The following PLXNB2 variants were observed in gnomAD, a reference collection of about 807,000 sequenced individuals.
PLXNB2 encodes plexin-B2.
In PLXNB2, 85 loss-of-function variants were observed where a neutral mutation model predicts 202.6. That is an observed-to-expected ratio of 0.42 (90% CI 0.35 to 0.50). The LOEUF is 0.50. PLXNB2 is among the 20% of genes least tolerant of loss of function. PLXNB2 has a pLI of 0.02. For missense variants in PLXNB2, 2,063 were observed against 2,586.2 expected (o/e 0.80, Z 4.39); for synonymous variants, 1,239 against 1,137.6 (o/e 1.09, Z -1.79).
At chr22:50,299,860 T>A (rs1034716050) in intron 1 of PLXNB2, among the ~76,000 whole-genome samples, 4 of 152,100 alleles carry the variant, frequency 2.6e-5, no homozygotes, top group African/African-American at 9.7e-5. Flanking sequence ...GCACCCGGCC[T>A]GTGTGGAGCG....
Position 50,296,037 on chromosome 22 carries a change from G to A in PLXNB2, c.-73-1259C>T, listed in dbSNP as rs1480808525. On this transcript the variant is annotated intron_variant, in intron 1 of 36. Transcript: ENST00000359337. ...TAATCGCTTGAACCTGGGAGGTGGA[G>A]GTTGCAGTGAGCCGAGATCGCGCCA... 2.6e-5 allele frequency among the ~76,000 whole-genome samples: 4 copies of A among 152,226 alleles called. No homozygotes were observed. The East Asian group carries it at 7.7e-4, about 29-fold the overall frequency.
Position 50,287,091 on chromosome 22 carries a change from G to A in PLXNB2, c.1762+20C>T. 1 of 1,484,718 alleles carries A rather than the reference G, an allele frequency of 6.7e-7. No individual in the cohort carries two copies. Among genetic ancestry groups the A allele is most frequent in the South Asian group, 1.3e-5 (1 of 75,254 alleles). The allele number at this position is 1,484,718 out of a possible 1,614,324, so 92.0% of individuals were successfully genotyped here. ...GTGCGACCGAGAAGGGCCACCCGGG[G>A]GCTCGGGAAGGGGCCTCACCCTGGC... On this transcript the variant is annotated intron_variant, in intron 8 of 36. Transcript: ENST00000359337.
chr22:50,292,683 C>T (rs960792332), intron 2 of PLXNB2, among the ~76,000 whole-genome samples: 2 of 152,054 alleles, frequency 1.3e-5, no homozygotes, highest in African/African-American at 2.4e-5. Flanking sequence ...TCCCGAGCCT[C>T]GGCTTTGGGT....
intron 1 of PLXNB2, among the ~76,000 whole-genome samples, chr22:50,303,481 G>A (rs993470452): frequency 9.2e-5 from 14 of 152,200 alleles, no homozygotes; most frequent in Non-Finnish European, 1.6e-4. Flanking sequence ...AAGGTCACCT[G>A]GGAAGAGAGC....
At chr22:50,282,526 G>T in intron 18 of PLXNB2, 185 bp downstream of exon 18, 1 of 674,816 alleles carries the variant, frequency 1.5e-6, no homozygotes, top group Non-Finnish European at 2.5e-6. Context: ...TGAGCGTGGA[G>T]CCTCTGGTGT....
intron 35 of PLXNB2, 94 bp downstream of exon 35, chr22:50,276,532 GCAC>G: frequency 3.7e-6 from 4 of 1,071,242 alleles, no homozygotes; most frequent in Admixed American, 3.4e-5. Flanking sequence ...CTCCCCCTCA[GCAC>G]CACATTACCC....
chr22:50,296,445 T>C (rs2067276727), intron 1 of PLXNB2, among the ~76,000 whole-genome samples: 2 of 148,222 alleles, frequency 1.3e-5, no homozygotes, highest in Admixed American at 1.3e-4. Context: ...ATTGCTTGTC[T>C]AAATAAGAAG....
chr22:50,294,710 G>C lies in PLXNB2; in HGVS notation c.-14+9C>G. On this transcript the variant is annotated intron_variant, in intron 2 of 36. Transcript: ENST00000359337. Reference sequence around the variant, plus strand: ...GCCACCCACTGCCTTTCCCAGGTGGGGTACAGACCCCTCACCGAGGCTCCA... The same window carrying C: ...GCCACCCACTGCCTTTCCCAGGTGGCGTACAGACCCCTCACCGAGGCTCCA... 1 of 983,990 alleles carries C rather than the reference G, an allele frequency of 1.0e-6. No homozygotes were observed. The highest frequency in any genetic ancestry group is 1.2e-6 in the Non-Finnish European group (1 of 828,558). The allele number at this position is 983,990 out of a possible 1,614,324, so 61.0% of individuals were successfully genotyped here.
In PLXNB2 at chr22:50,284,440, G is replaced by A; in HGVS notation, c.2181+133C>T. On this transcript the variant is annotated intron_variant, in intron 12 of 36. Transcript: ENST00000359337. The surrounding 1 kb of genome is among the most constrained non-coding windows in gnomAD (Gnocchi z 8.0). ...GGGCTTCCCCAGCAGCACAGGGCAT[G>A]GCGAGCCCCTGGCTGGGCTCTGGTC... The A allele has an allele frequency of 1.3e-6, 1 of 761,268 alleles. No individual in the cohort carries two copies. The allele number at this position is 761,268 out of a possible 1,614,324, so 47.2% of individuals were successfully genotyped here.
chr22:50,290,674 A>C (rs2066804741), intron 2 of PLXNB2, 77 bp from the exon 3 acceptor site: 1 of 1,411,136 alleles, frequency 7.1e-7, no homozygotes, highest in Non-Finnish European at 9.4e-7. Context: ...TCCCTGCCCC[A>C]AACGTCAGAA....
Position 50,284,611 on chromosome 22 carries a change from T to G in PLXNB2, c.2143A>C (p.Met715Leu). The G allele has an allele frequency of 6.2e-7, 1 of 1,610,878 alleles. No individual in the cohort carries two copies. Among genetic ancestry groups the G allele is most frequent in the Non-Finnish European group, 8.5e-7 (1 of 1,178,944 alleles). ...DLLKFMEPVT[M>L]QESGTFAFRT... Reference sequence around the variant, plus strand: ...AAGGCGAAGGTCCCAGATTCCTGCATGGTCACCGGCTCCATGAACTTGAGC... The same window carrying G: ...AAGGCGAAGGTCCCAGATTCCTGCAGGGTCACCGGCTCCATGAACTTGAGC... The change falls in exon 12 of 37, where the codon ATG becomes CTG. Residue 715 changes from methionine (M) to leucine (L), a missense_variant. By Grantham distance (15) the Met-to-Leu change is conservative. This residue lies in a region of PLXNB2 where 1,303 missense variants were observed against 1,476.8 expected (regional missense o/e 0.88). Coordinates refer to ENST00000359337, the MANE Select transcript of PLXNB2 (RefSeq NM_012401.4). The surrounding 1 kb of genome is among the most constrained non-coding windows in gnomAD (Gnocchi z 8.0).
chr22:50,302,348 G>T (rs989036618), intron 1 of PLXNB2, among the ~76,000 whole-genome samples: 2 of 152,218 alleles, frequency 1.3e-5, no homozygotes, highest in East Asian at 3.9e-4. Context: ...GCAGGACAGT[G>T]AGTGGGAGGT....
chr22:50,287,258 G>T lies in PLXNB2; in HGVS notation c.1615C>A (p.Leu539Met). 6.6e-7 allele frequency: 1 copy of T among 1,515,048 alleles called. No individual in the cohort carries two copies. The highest frequency in any genetic ancestry group is 1.3e-5 in the South Asian group (1 of 78,848). The allele number at this position is 1,515,048 out of a possible 1,614,324, so 93.9% of individuals were successfully genotyped here. The change falls in exon 8 of 37, where the codon CTG becomes ATG. Residue 539 changes from leucine (L) to methionine (M), a missense_variant. Coordinates refer to ENST00000359337, the MANE Select transcript of PLXNB2 (RefSeq NM_012401.4). ...MSRRAQGEVQ[L>M]TVSPLPALSE... is the part of the protein sequence containing the mutation. ...AGGGCAGGGAGGGGGCTGACGGTCA[G>T]CTGCACCTGAGGGAGGGGCCGTGCC...
chr22:50,283,454 C>G lies in PLXNB2; in HGVS notation c.2571-9G>C. 1.2e-6 allele frequency: 2 copies of G among 1,611,908 alleles called. No homozygotes were observed. The highest frequency in any genetic ancestry group is 1.7e-6 in the Non-Finnish European group (2 of 1,179,262). ...CGATCACACACACGATCCTGGCGGG[C>G]GACAGGCAGTGTGGCCCAGGCACTC... On this transcript the variant is annotated splice_polypyrimidine_tract_variant and intron_variant, in intron 15 of 36. Transcript: ENST00000359337.
chr22:50,300,919 C>T (rs2067646142), intron 1 of PLXNB2, among the ~76,000 whole-genome samples: 1 of 152,208 alleles, frequency 6.6e-6, no homozygotes, highest in Non-Finnish European at 1.5e-5. Flanking sequence ...TACCCAGGGC[C>T]TCTGTATCTA....
intron 20 of PLXNB2, 41 bp downstream of exon 20, chr22:50,281,813 C>T (rs1402837736): frequency 8.2e-6 from 13 of 1,591,676 alleles, no homozygotes; most frequent in Non-Finnish European, 1.1e-5. Context: ...TCAGCCCAGA[C>T]CCGAGCAGGA....
In PLXNB2 at chr22:50,278,871, T is replaced by C. The variant is rs1462149535; in HGVS notation, c.4530A>G (p.Pro1510=). The C allele has an allele frequency of 2.5e-6, 4 of 1,612,148 alleles. No homozygotes were observed. In the South Asian group the frequency reaches 3.3e-5, roughly 13 times the overall value. Residue 1510 remains proline (P), a synonymous_variant, in exon 28 of 37, where the codon CCA becomes CCG. Transcript: ENST00000359337. The stretch of plus-strand genomic sequence containing the variant: ...GGCACTCACCCAGGACCACGCTGTC[T>C]GGCCTGGGCCAGCAGGAGCAGGGCT... ...RGQPCSCWPR[P]DSVVLEWRPG... is the part of the protein sequence containing the mutation.
intron 14 of PLXNB2, 34 bp from the exon 15 acceptor site, chr22:50,283,784 C>T (rs758792983): frequency 5.6e-6 from 9 of 1,612,702 alleles, no homozygotes; most frequent in Admixed American, 3.3e-5. Flanking sequence ...CAGGGAGGGG[C>T]TCATGCCAGG....
intron 33 of PLXNB2, among the ~76,000 whole-genome samples, chr22:50,277,279 C>T (rs1327006705): frequency 1.0e-4 from 15 of 148,844 alleles, no homozygotes; most frequent in Admixed American, 8.7e-4. Context: ...CCAGCCTGGG[C>T]GACAGAGAGA....
Sources: allele counts gnomAD v4.1 joint callset (sites outside exome capture counted in the v4.1 genomes callset), GRCh38; gene constraint gnomAD v4.1.1; regional missense constraint gnomAD v4.1.1; non-coding constraint Gnocchi (gnomAD v3.1); transcripts MANE v1.5; gene names NCBI Gene and HGNC (gene_info 2026-07-23, HGNC 2026-07-21).